The following PPFIA2 variants were observed in gnomAD, a reference collection of about 807,000 sequenced individuals.
PPFIA2 encodes the protein PPFI scaffold protein A2, also known as liprin-alpha-2.
A neutral mutation model predicts 175.5 loss-of-function variants in PPFIA2; 46 were observed. The ratio of observed to expected loss-of-function variants is 0.26; its 90% confidence interval spans 0.21 to 0.34. PPFIA2 has a LOEUF of 0.34. Ranked by LOEUF, PPFIA2 falls within the 10% of genes least tolerant of loss-of-function variation. PPFIA2 has a pLI of 1.00. For missense variants in PPFIA2, 1,179 were observed against 1,506.1 expected (o/e 0.78, Z 3.60); for synonymous variants, 568 against 511.4 (o/e 1.11, Z -1.49).
chr12:81,267,045 C>T, intron 29 of PPFIA2, 25 bp from the exon 30 acceptor site: 2 of 1,530,438 alleles, frequency 1.3e-6, no homozygotes, highest in South Asian at 1.1e-5. Flanking sequence ...TTACAGTTAC[C>T]ATCACCGAAA....
chr12:81,518,312 TAAC>T lies in PPFIA2; in HGVS notation c.304-60449_304-60447del, dbSNP rs199677240. Among the ~76,000 whole-genome samples, 261 of 152,282 alleles carry T rather than the reference TAAC, an allele frequency of 1.7e-3. 2 individuals are homozygous for T. Among genetic ancestry groups the T allele is most frequent in the African/African-American group, 6.1e-3 (253 of 41,552 alleles). ...CAAGGTCATATCTATGTCCTGCTAA[TAAC>T]AACAAGTACACCCCAATTCCATAAT... On this transcript the variant is annotated intron_variant, in intron 4 of 32. Coordinates refer to ENST00000549396, the MANE Select transcript of PPFIA2 (RefSeq NM_003625.5).
At chr12:81,516,859 A>T (rs893749497) in intron 4 of PPFIA2, among the ~76,000 whole-genome samples, 1 of 152,074 alleles carries the variant, frequency 6.6e-6, no homozygotes, top group Admixed American at 6.6e-5. Context: ...TCTTATGTTA[A>T]CTTTTTTGGA....
intron 15 of PPFIA2, 147 bp from the exon 16 acceptor site, chr12:81,358,364 C>G: frequency 1.3e-6 from 1 of 787,940 alleles, no homozygotes; most frequent in Non-Finnish European, 2.0e-6. Context: ...TCATGACTCT[C>G]TGAGGCCTCT....
intron 2 of PPFIA2, among the ~76,000 whole-genome samples, chr12:81,755,200 A>G (rs1314062899): frequency 1.3e-5 from 2 of 152,208 alleles, no homozygotes; most frequent in Admixed American, 6.5e-5. Flanking sequence ...AATTTGATTT[A>G]AAATAGACAA....
chr12:81,430,693 T>A (rs1337485794), intron 7 of PPFIA2: 1 of 152,138 alleles, frequency 6.6e-6, no homozygotes, highest in Non-Finnish European at 1.5e-5. Flanking sequence ...CTGTATCTAT[T>A]CACCTTTTCC....
chr12:81,595,236 T>TTATATATATATA (rs111526144), intron 4 of PPFIA2, among the ~76,000 whole-genome samples: 30 of 147,038 alleles, frequency 2.0e-4, no homozygotes, highest in African/African-American at 7.4e-4. Context: ...TTCACTGTGT[T>TTATATATATATA]TATATATATA....
At chr12:81,576,165 A>G (rs1295893353) in intron 4 of PPFIA2, among the ~76,000 whole-genome samples, 1 of 151,612 alleles carries the variant, frequency 6.6e-6, no homozygotes, top group Non-Finnish European at 1.5e-5. Flanking sequence ...CCTGATTAAG[A>G]ATGGGGTGTC....
intron 3 of PPFIA2, among the ~76,000 whole-genome samples, chr12:81,740,764 T>C (rs2082222924): frequency 6.6e-6 from 1 of 152,132 alleles, no homozygotes; most frequent in Non-Finnish European, 1.5e-5. Flanking sequence ...AAACTCATCT[T>C]GATAATACTA....
At chr12:81,465,781 T>C (rs1354112378) in intron 4 of PPFIA2, among the ~76,000 whole-genome samples, 1 of 152,004 alleles carries the variant, frequency 6.6e-6, no homozygotes, top group Non-Finnish European at 1.5e-5. Context: ...AAAGATAATA[T>C]ATTTCTCAAA....
chr12:81,538,110 G>A (rs2065673048), intron 4 of PPFIA2, among the ~76,000 whole-genome samples: 1 of 152,008 alleles, frequency 6.6e-6, no homozygotes, highest in East Asian at 1.9e-4. Context: ...AGGCTGTAAT[G>A]TTAGAAAGTT....
At position 81,283,034 on chromosome 12, in the gene PPFIA2, T is replaced by C; in HGVS notation, c.2994A>G (p.Glu998=). Residue 998 remains glutamate, a synonymous_variant, in exon 26 of 33, where the codon GAA becomes GAG. Coordinates refer to ENST00000549396, the MANE Select transcript of PPFIA2 (RefSeq NM_003625.5). ...CCTGGGCCCAGCTTCCTTCCTCAGATTCTTTCTGTGTTAGCAGCAGGAAAT... is the reference window on the plus strand; with the variant it reads ...CCTGGGCCCAGCTTCCTTCCTCAGACTCTTTCTGTGTTAGCAGCAGGAAAT... ...ENLAAPAKTK[E]SEEGSWAQCP... is the part of the protein sequence containing the mutation. The C allele has an allele frequency of 6.2e-7, 1 of 1,612,040 alleles. No individual in the cohort carries two copies. Among genetic ancestry groups the C allele is most frequent in the African/African-American group, 1.3e-5 (1 of 74,976 alleles).
At chr12:81,547,866 A>G (rs988090462) in intron 4 of PPFIA2, among the ~76,000 whole-genome samples, 3 of 152,210 alleles carry the variant, frequency 2.0e-5, no homozygotes, top group Admixed American at 1.3e-4. Flanking sequence ...GCAAAGAACT[A>G]TCCTTACTTA....
rs958970099 is a variant in PPFIA2, at chr12:81,696,856, C to T, written c.250-20012G>A. Reference sequence around the variant, plus strand: ...ATTAGTCTTGACCTATATGATCCCCCGCTACTAGATGAAAAGATATTCTCT... The same window carrying T: ...ATTAGTCTTGACCTATATGATCCCCTGCTACTAGATGAAAAGATATTCTCT... On this transcript the variant is annotated intron_variant, in intron 3 of 32. Transcript: ENST00000549396. Among the ~76,000 whole-genome samples the T allele has an allele frequency of 3.3e-5, 5 of 151,746 alleles. No homozygotes were observed. In the East Asian group the frequency reaches 9.7e-4, roughly 29 times the overall value.
At chr12:81,630,406 T>C (rs2063230311) in intron 4 of PPFIA2, among the ~76,000 whole-genome samples, 2 of 152,124 alleles carry the variant, frequency 1.3e-5, no homozygotes, top group Admixed American at 6.5e-5. Context: ...CAAGAAAGGC[T>C]GGAAAAAGCC....
At chr12:81,386,583 G>T (rs1467933142) in intron 8 of PPFIA2, among the ~76,000 whole-genome samples, 1 of 151,496 alleles carries the variant, frequency 6.6e-6, no homozygotes, top group Non-Finnish European at 1.5e-5. Context: ...GATTGCATTA[G>T]CGCACTCCAG....
At chr12:81,670,891 C>A (rs1298974208) in intron 4 of PPFIA2, among the ~76,000 whole-genome samples, 1 of 151,844 alleles carries the variant, frequency 6.6e-6, no homozygotes, top group Non-Finnish European at 1.5e-5. Context: ...TTTTTTGAGG[C>A]ACATTCTTCC....
At chr12:81,272,963 T>C (rs1361507634) in intron 28 of PPFIA2, among the ~76,000 whole-genome samples, 1 of 152,226 alleles carries the variant, frequency 6.6e-6, no homozygotes, top group Non-Finnish European at 1.5e-5. Context: ...TAATAAAATT[T>C]ATTTTTAACA....
At chr12:81,343,338 T>C (rs2058483113) in intron 19 of PPFIA2, among the ~76,000 whole-genome samples, 1 of 152,064 alleles carries the variant, frequency 6.6e-6, no homozygotes, top group African/African-American at 2.4e-5. Context: ...ATTAAACTTA[T>C]ATAGTCTTTT....
chr12:81,606,314 AT>A (rs528756774), intron 4 of PPFIA2, among the ~76,000 whole-genome samples: 138 of 152,036 alleles, frequency 9.1e-4, no homozygotes, highest in African/African-American at 3.0e-3. Flanking sequence ...ATAATGATTG[AT>A]TTTCCTTTGA....
Sources: gnomAD v4.1 joint callset for allele counts (sites outside exome capture counted in the v4.1 genomes callset) on GRCh38, gnomAD v4.1.1 for gene constraint, MANE v1.5 for transcripts, NCBI Gene and HGNC (gene_info 2026-07-23, HGNC 2026-07-21) for gene names.